FRMD4A: variants seen among roughly 807,000 people sequenced by gnomAD.
The protein encoded by FRMD4A is FERM domain containing 4A.
FRMD4A carries 29 observed loss-of-function variants against 129.1 expected under a neutral mutation model. The ratio of observed to expected loss-of-function variants is 0.22; its 90% CI spans 0.17 to 0.31. The LOEUF (loss-of-function observed/expected upper bound fraction) is 0.31, where lower values mean the gene tolerates loss of function less well. Among genes scored for constraint, FRMD4A ranks in the 10% least tolerant of loss-of-function variants. FRMD4A has a pLI of 1.00. For missense variants in FRMD4A, 1,272 were observed against 1,375.8 expected (o/e 0.92, Z 1.19); for synonymous variants, 634 against 571.6 (o/e 1.11, Z -1.56).
rs149356856 is a variant in FRMD4A, at chr10:13,874,382, T to C, written c.46-15470A>G. Among the ~76,000 whole-genome samples, 467 of 152,138 alleles carry C rather than the reference T, an allele frequency of 3.1e-3. 2 individuals carry two copies. Among genetic ancestry groups the C allele is most frequent in the African/African-American group, 0.01 (430 of 41,512 alleles). ...TCCCCAAAATAAATCCCAGGTAGTTTATAAAGTTAAATTTTAAAACCAGGT... is the reference window on the plus strand; with the variant it reads ...TCCCCAAAATAAATCCCAGGTAGTTCATAAAGTTAAATTTTAAAACCAGGT... On this transcript the variant is annotated intron_variant, in intron 2 of 24. Transcript: ENST00000357447.
intron 8 of FRMD4A, among the ~76,000 whole-genome samples, chr10:13,750,092 G>T (rs57295501): frequency 0.053 from 3,743 of 71,224 alleles, 106 homozygotes; most frequent in African/African-American, 0.14. Flanking sequence ...AAGAAAGAAA[G>T]AAAGAAAGAA....
At chr10:13,990,117 TTC>T (rs1319121395) in intron 2 of FRMD4A, among the ~76,000 whole-genome samples, 1 of 152,220 alleles carries the variant, frequency 6.6e-6, no homozygotes, top group East Asian at 1.9e-4. Context: ...TCTCTCTCTA[TTC>T]TCTGTTTTCC....
intron 2 of FRMD4A, chr10:14,083,331 G>C (rs1836044369): frequency 6.6e-6 from 1 of 152,266 alleles, no homozygotes; most frequent in Non-Finnish European, 1.5e-5. Context: ...CTGAAGCACT[G>C]AGAGGTTGGG....
intron 12 of FRMD4A, among the ~76,000 whole-genome samples, chr10:13,716,271 G>A (rs1005414000): frequency 1.3e-5 from 2 of 152,100 alleles, no homozygotes; most frequent in Non-Finnish European, 2.9e-5. Flanking sequence ...CCATTTTCCT[G>A]TTATGACTTC....
intron 2 of FRMD4A, among the ~76,000 whole-genome samples, chr10:14,197,963 C>A (rs1175698271): frequency 1.3e-5 from 2 of 152,224 alleles, no homozygotes; most frequent in Non-Finnish European, 2.9e-5. Flanking sequence ...AGTTTCCGCT[C>A]TGGCTCTTTG....
At chr10:13,780,869 G>T (rs1041721536) in intron 6 of FRMD4A, among the ~76,000 whole-genome samples, 4 of 152,166 alleles carry the variant, frequency 2.6e-5, no homozygotes, top group Non-Finnish European at 5.9e-5. Context: ...ATAGGGTCTC[G>T]AGGAGATATT....
chr10:14,078,670 T>A (rs1288559238), intron 2 of FRMD4A, among the ~76,000 whole-genome samples: 1 of 152,218 alleles, frequency 6.6e-6, no homozygotes, highest in Non-Finnish European at 1.5e-5. Flanking sequence ...GTGGGGGGTA[T>A]GACCATTATA....
At chr10:13,783,366 T>C (rs945078039) in intron 5 of FRMD4A, among the ~76,000 whole-genome samples, 1 of 152,178 alleles carries the variant, frequency 6.6e-6, no homozygotes, top group Non-Finnish European at 1.5e-5. Context: ...TAAATTGTCA[T>C]TGAGTTGGAT....
intron 2 of FRMD4A, among the ~76,000 whole-genome samples, chr10:14,318,802 C>T (rs1490168362): frequency 6.6e-6 from 1 of 152,166 alleles, no homozygotes; most frequent in Non-Finnish European, 1.5e-5. Flanking sequence ...ATGTCCTGAA[C>T]CACATCGACA....
At chr10:13,706,864 A>G (rs747283168) in intron 13 of FRMD4A, among the ~76,000 whole-genome samples, 173 bp downstream of exon 13, 29 of 152,054 alleles carry the variant, frequency 1.9e-4, no homozygotes, top group Non-Finnish European at 3.1e-4. Flanking sequence ...TTATCAACAC[A>G]TGTAATTGAA....
intron 5 of FRMD4A, among the ~76,000 whole-genome samples, chr10:13,789,029 T>A (rs1398608555): frequency 5.9e-5 from 9 of 152,200 alleles, no homozygotes; most frequent in Non-Finnish European, 8.8e-5. Flanking sequence ...GACCAGTGAT[T>A]TCATTTTGTA....
chr10:14,014,221 G>T (rs2095690951), intron 2 of FRMD4A, among the ~76,000 whole-genome samples: 1 of 152,158 alleles, frequency 6.6e-6, no homozygotes, highest in African/African-American at 2.4e-5. Flanking sequence ...GTCATGTGAA[G>T]AAGAGAAGAG....
chr10:13,824,242 C>A (rs890242271), intron 3 of FRMD4A, among the ~76,000 whole-genome samples: 4 of 148,650 alleles, frequency 2.7e-5, no homozygotes, highest in Non-Finnish European at 5.9e-5. Flanking sequence ...CTAAGGGAGA[C>A]CAAGGAGGGT....
intron 2 of FRMD4A, among the ~76,000 whole-genome samples, chr10:13,860,174 C>T (rs11258676): frequency 0.17 from 26,081 of 152,150 alleles, 3,046 homozygotes; most frequent in Non-Finnish European, 0.25. Context: ...ACCTTTACTG[C>T]GTCCGATTTC....
intron 2 of FRMD4A, among the ~76,000 whole-genome samples, chr10:14,030,617 G>T (rs1326602480): frequency 6.6e-6 from 1 of 152,170 alleles, no homozygotes; most frequent in Admixed American, 6.5e-5. Flanking sequence ...TGCCTGTCTG[G>T]GTCTAGTTAA....
intron 2 of FRMD4A, among the ~76,000 whole-genome samples, chr10:14,068,679 AAAG>A (rs1835174097): frequency 6.6e-6 from 1 of 152,226 alleles, no homozygotes; most frequent in Non-Finnish European, 1.5e-5. Flanking sequence ...GTGTGAGTTC[AAAG>A]TTCCCACACA....
intron 2 of FRMD4A, among the ~76,000 whole-genome samples, chr10:14,108,729 A>G (rs781781566): frequency 1.3e-5 from 2 of 152,226 alleles, no homozygotes; most frequent in African/African-American, 4.8e-5. Context: ...TGAAGAATCA[A>G]TGATATGCCC....
intron 2 of FRMD4A, among the ~76,000 whole-genome samples, chr10:14,051,809 G>A (rs918544460): frequency 5.3e-5 from 8 of 152,258 alleles, no homozygotes; most frequent in African/African-American, 1.7e-4. Flanking sequence ...GCCCTGAGCA[G>A]GGCAGGAGGA....
chr10:14,262,247 A>G (rs573213185), intron 2 of FRMD4A, among the ~76,000 whole-genome samples: 45 of 152,148 alleles, frequency 3.0e-4, no homozygotes, highest in Non-Finnish European at 4.3e-4. Flanking sequence ...TCCATTACCT[A>G]CTTAGCCCGG....
Sources: allele counts gnomAD v4.1 joint callset (sites outside exome capture counted in the v4.1 genomes callset), GRCh38; gene constraint gnomAD v4.1.1; transcripts MANE v1.5; gene names NCBI Gene and HGNC (gene_info 2026-07-23, HGNC 2026-07-21).